The following SMG1 variants were observed in gnomAD, a reference collection of about 807,000 sequenced individuals.
SMG1 encodes the protein SMG1 nonsense mediated mRNA decay associated PI3K related kinase, also known as serine/threonine-protein kinase SMG1.
A neutral mutation model predicts 419.9 loss-of-function variants in SMG1; 22 were observed. The ratio of observed to expected loss-of-function variants is 0.05; its 90% CI spans 0.04 to 0.07. The LOEUF is 0.07. Among genes scored for constraint, SMG1 ranks in the 10% least tolerant of loss-of-function variants. The pLI is 1.00. For missense variants in SMG1, 3,185 were observed against 4,342.0 expected, an observed-to-expected ratio of 0.73 and a Z score of 7.49; for synonymous variants, 1,538 against 1,553.5, an observed-to-expected ratio of 0.99 and a Z score of 0.23.
Position 18,853,584 on chromosome 16 carries a change from T to C in SMG1, c.4767A>G (p.Thr1589=). ...EEYPRIESES[T]VHIGVGEPDF... is the part of the protein sequence containing the mutation. The stretch of plus-strand genomic sequence containing the variant: ...CTAAAGCTAATAAAGCAACTCTACC[T>C]GTAGATTCACTCTCGATCCGAGGAT... The change falls in exon 31 of 63, where the codon ACA becomes ACG. Residue 1589 remains threonine (T), a splice_region_variant and synonymous_variant. Transcript: ENST00000446231. The C allele has an allele frequency of 1.3e-6, 2 of 1,584,468 alleles. No individual in the cohort carries two copies. Among genetic ancestry groups the C allele is most frequent in the Non-Finnish European group, 1.7e-6 (2 of 1,164,228 alleles).
chr16:18,874,019 A>G (rs2035969585), intron 13 of SMG1, among the ~76,000 whole-genome samples: 1 of 152,256 alleles, frequency 6.6e-6, no homozygotes, highest in Non-Finnish European at 1.5e-5. Context: ...CGAAGCAGCT[A>G]TGGAATTATA....
In SMG1 at chr16:18,828,014, G is replaced by C; in HGVS notation, c.9741+17C>G. 6.2e-7 allele frequency: 1 copy of C among 1,606,826 alleles called. No individual in the cohort carries two copies. Among genetic ancestry groups the C allele is most frequent in the South Asian group, 1.1e-5 (1 of 89,906 alleles). The stretch of plus-strand genomic sequence containing the variant: ...TAAAAAGAAAATGCCCTGGAAGGAA[G>C]ATCTGGCAAAACACACCTGAACTGT... On this transcript the variant is annotated intron_variant, in intron 55 of 62. Coordinates refer to ENST00000446231, the MANE Select transcript of SMG1 (RefSeq NM_015092.5).
chr16:18,827,872 A>G (rs1439374052), intron 55 of SMG1, among the ~76,000 whole-genome samples, 159 bp downstream of exon 55: 6 of 144,668 alleles, frequency 4.1e-5, no homozygotes, highest in African/African-American at 1.5e-4. Context: ...ATATATATAT[A>G]TGTATAAATT....
rs1361512832 is a variant in SMG1 at position 18,852,107 on chromosome 16, C to A, written c.5012G>T (p.Gly1671Val). The A allele has an allele frequency of 6.2e-7, 1 of 1,613,440 alleles. No homozygotes were observed. Among genetic ancestry groups the A allele is most frequent in the South Asian group, 1.1e-5 (1 of 90,960 alleles). ...ITEEEKERIYGILGQAVCRPA... is the reference protein window; with the variant it reads ...ITEEEKERIYVILGQAVCRPA... The stretch of plus-strand genomic sequence containing the variant: ...CCGACACACAGCCTGTCCAAGAATA[C>A]CATATATTCTCTCTTTCTCTTCCTC... Residue 1671 changes from glycine (G) to valine (V), a missense_variant, in exon 33 of 63, where the codon GGT (glycine) becomes GTT (valine). Physicochemically the swap from Gly to Val is moderately radical, Grantham distance 109. This residue lies in a region of SMG1 where 493 missense variants were observed against 552.9 expected (regional missense o/e 0.89). Coordinates refer to ENST00000446231, the MANE Select transcript of SMG1 (RefSeq NM_015092.5).
intron 23 of SMG1, among the ~76,000 whole-genome samples, chr16:18,865,432 T>C (rs1404267120): frequency 6.6e-6 from 1 of 152,150 alleles, no homozygotes; most frequent in African/African-American, 2.4e-5. Context: ...ATAGAATATA[T>C]CATAAGACTT....
chr16:18,853,002 T>C (rs1159854096), intron 31 of SMG1, among the ~76,000 whole-genome samples: 1 of 152,164 alleles, frequency 6.6e-6, no homozygotes, highest in East Asian at 1.9e-4. Flanking sequence ...TCTATCAAAA[T>C]TATTAACACC....
chr16:18,859,327 T>G (rs1027243606), intron 27 of SMG1, 146 bp from the exon 28 acceptor site: 22 of 653,292 alleles, frequency 3.4e-5, no homozygotes, highest in African/African-American at 1.5e-4. Flanking sequence ...AAAATGATAT[T>G]AGCAAGTCAA....
In SMG1 at chr16:18,841,920, A is replaced by G. The variant is rs554598575; in HGVS notation, c.6467-126T>C. 8.6e-6 allele frequency: 7 copies of G among 817,222 alleles called. No homozygotes were observed. The Admixed American group carries it at 8.8e-5, about 10-fold the overall frequency. The allele number at this position is 817,222 out of a possible 1,614,324, so 50.6% of individuals were successfully genotyped here. ...GTCCATGAGGCACACTGAGAGCATT[A>G]AAGAATTCTATTTTGGGACAAGATA... is the stretch of plus-strand genomic sequence containing the variant. On this transcript the variant is annotated intron_variant, in intron 40 of 62. Coordinates refer to ENST00000446231, the MANE Select transcript of SMG1 (RefSeq NM_015092.5).
chr16:18,886,973 A>C (rs1394618763), intron 6 of SMG1, among the ~76,000 whole-genome samples: 1 of 152,230 alleles, frequency 6.6e-6, no homozygotes, highest in Non-Finnish European at 1.5e-5. Context: ...TATGATTACA[A>C]TATTCCTGTT....
In SMG1 at chr16:18,828,042, C is replaced by G. The variant is rs527865468; in HGVS notation, c.9730G>C (p.Ala3244Pro). ...CTGGCAAAACACACCTGAACTGTTG[C>G]AATAGAAGTTTCAATCTGGCTCAGG... ...HTLSQIETSI[A>P]TVQEKLAALE... Residue 3244 changes from alanine to proline, a missense_variant, in exon 55 of 63, where the codon GCA becomes CCA. Coordinates refer to ENST00000446231, the MANE Select transcript of SMG1 (RefSeq NM_015092.5). 4.3e-6 allele frequency: 7 copies of G among 1,612,056 alleles called. No individual in the cohort carries two copies. In the East Asian group the frequency reaches 1.1e-4, roughly 26 times the overall value.
intron 55 of SMG1, 114 bp downstream of exon 55, chr16:18,827,917 C>A: frequency 9.9e-7 from 1 of 1,007,290 alleles, no homozygotes. Flanking sequence ...GCTCTTCTGG[C>A]TTACAAGCCA....
rs2141245896 is a variant in SMG1 at position 18,834,437 on chromosome 16, G to A, written c.8332C>T (p.Arg2778Cys). ...IISALCTLTRRNLMMEGAASS... is the reference protein window; with the variant it reads ...IISALCTLTRCNLMMEGAASS... The stretch of plus-strand genomic sequence containing the variant: ...GCTGCACCTTCCATCATCAGGTTAC[G>A]CCTACAAGAGATAAATATCTGTACA... The change falls in exon 50 of 63, where the codon CGT becomes TGT. Residue 2778 changes from arginine to cysteine, a missense_variant and splice_region_variant. Physicochemically the swap from Arg to Cys is radical, Grantham distance 180 (BLOSUM62 -3). Transcript: ENST00000446231. 3 of 1,612,058 alleles carry A rather than the reference G, an allele frequency of 1.9e-6. No homozygotes were observed. Among genetic ancestry groups the A allele is most frequent in the Non-Finnish European group, 2.5e-6 (3 of 1,178,954 alleles).
At chr16:18,869,801 A>C (rs1169423314) in intron 19 of SMG1, 53 bp downstream of exon 19, 1 of 1,512,900 alleles carries the variant, frequency 6.6e-7, no homozygotes, top group East Asian at 2.3e-5. Flanking sequence ...TGTAAAGTCA[A>C]AAGAATCTTA....
chr16:18,921,624 A>G (rs1194025850), intron 1 of SMG1, among the ~76,000 whole-genome samples: 1 of 152,084 alleles, frequency 6.6e-6, no homozygotes, highest in African/African-American at 2.4e-5. Context: ...GCACCCACCT[A>G]ATAGGTATAA....
intron 56 of SMG1, among the ~76,000 whole-genome samples, chr16:18,819,077 A>G (rs1286849599): frequency 1.3e-5 from 2 of 151,522 alleles, no homozygotes; most frequent in East Asian, 3.9e-4. Flanking sequence ...TCAGCCTCCC[A>G]AAGTGCTGGG....
intron 6 of SMG1, among the ~76,000 whole-genome samples, chr16:18,886,991 AG>A (rs2141761917): frequency 6.6e-6 from 1 of 152,324 alleles, no homozygotes; most frequent in South Asian, 2.1e-4. Context: ...GTTATACAGA[AG>A]AAAAACCTTA....
intron 26 of SMG1, among the ~76,000 whole-genome samples, chr16:18,859,935 G>A (rs1482076838): frequency 6.6e-6 from 1 of 152,188 alleles, no homozygotes; most frequent in South Asian, 2.1e-4. Context: ...TCAGTAAGTC[G>A]AGGCCAGGCG....
Position 18,836,114 on chromosome 16 carries a change from G to C in SMG1, c.7876C>G (p.Leu2626Val), listed in dbSNP as rs765726542. 6.2e-7 allele frequency: 1 copy of C among 1,609,444 alleles called. No homozygotes were observed. The highest frequency in any genetic ancestry group is 8.5e-7 in the Non-Finnish European group (1 of 1,177,964). Residue 2626 changes from leucine (L) to valine (V), a missense_variant, in exon 48 of 63, where the codon CTC (leucine) becomes GTC (valine). Physicochemically the swap from Leu to Val is conservative, Grantham distance 32. Transcript: ENST00000446231. The stretch of plus-strand genomic sequence containing the variant: ...AGCACGGAGCGCCTCTGCTGCAGGA[G>C]AGCACCAACCTCCCCCTCCAGCTGC... ...CEQLEGEVGA[L>V]LQQRRSVLRG...
At chr16:18,831,275 A>G (rs2033154737) in intron 51 of SMG1, among the ~76,000 whole-genome samples, 1 of 152,220 alleles carries the variant, frequency 6.6e-6, no homozygotes, top group South Asian at 2.1e-4. Flanking sequence ...ACTACCAGAT[A>G]AATTTCTAAT....
Sources: gnomAD v4.1 joint callset for allele counts (sites outside exome capture counted in the v4.1 genomes callset) on GRCh38, gnomAD v4.1.1 for gene constraint, gnomAD v4.1.1 regional missense constraint, MANE v1.5 for transcripts, NCBI Gene and HGNC (gene_info 2026-07-23, HGNC 2026-07-21) for gene names.